Variants in AXL observed in about 807,000 individuals in gnomAD.
AXL encodes the protein tyrosine-protein kinase receptor UFO.
AXL carries 52 observed loss-of-function variants against 104.5 expected under a neutral mutation model. That is an observed-to-expected ratio of 0.50 (90% CI 0.40 to 0.63). The LOEUF (loss-of-function observed/expected upper bound fraction) is 0.63. Among genes scored for constraint, AXL ranks in the 20% least tolerant of loss-of-function variants. The pLI is 0.00. For synonymous variants in AXL, 455 were observed against 473.7 expected (o/e 0.96, Z 0.51); for missense variants, 1,024 against 1,188.5 (o/e 0.86, Z 2.04).
At chr19:41,242,290 A>T (rs1452021742) in intron 10 of AXL, among the ~76,000 whole-genome samples, 2 of 141,458 alleles carry the variant, frequency 1.4e-5, no homozygotes, top group African/African-American at 5.4e-5. Context: ...CTGATGCTCT[A>T]CCACCTGAAC....
At chr19:41,247,958 T>C (rs1053191708) in intron 12 of AXL, among the ~76,000 whole-genome samples, 2 of 152,036 alleles carry the variant, frequency 1.3e-5, no homozygotes, top group African/African-American at 4.8e-5. Context: ...AGTCTTGCCC[T>C]GTCACCCAGG....
In AXL at chr19:41,256,523, A is replaced by G; in HGVS notation, c.2108A>G (p.Tyr703Cys). ...AAGAAGATCTACAATGGGGACTACT[A>G]CCGCCAGGGACGTATCGCCAAGATG... ...LSKKIYNGDY[Y>C]RQGRIAKMPV... The change falls in exon 18 of 20, where the codon TAC becomes TGC. Residue 703 changes from tyrosine to cysteine, a missense_variant. Physicochemically the swap from Tyr to Cys is radical, Grantham distance 194. This residue lies in a region of AXL where 523 missense variants were observed against 636.0 expected (regional missense o/e 0.82). Transcript: ENST00000301178. The G allele has an allele frequency of 6.2e-7, 1 of 1,614,170 alleles. No homozygotes were observed. Among genetic ancestry groups the G allele is most frequent in the Non-Finnish European group, 8.5e-7 (1 of 1,180,030 alleles).
intron 10 of AXL, among the ~76,000 whole-genome samples, chr19:41,242,253 TGAACCC>T (rs2034194559): frequency 6.6e-6 from 1 of 151,530 alleles, no homozygotes; most frequent in African/African-American, 2.4e-5. Context: ...AACAGAGACT[TGAACCC>T]TGAACCCTCA....
At chr19:41,222,415 G>A (rs547073478) in intron 4 of AXL, among the ~76,000 whole-genome samples, 18 of 152,164 alleles carry the variant, frequency 1.2e-4, no homozygotes, top group Admixed American at 7.2e-4. Flanking sequence ...GCTCGAGTGC[G>A]TGTGGGCCTG....
chr19:41,254,201 G>A (rs146278754), intron 17 of AXL, among the ~76,000 whole-genome samples: 19 of 151,164 alleles, frequency 1.3e-4, no homozygotes, highest in African/African-American at 3.9e-4. Flanking sequence ...CCAGGAGTTC[G>A]AGACCAGCCT....
chr19:41,225,592 A>T (rs1316544140), intron 4 of AXL, among the ~76,000 whole-genome samples: 2 of 152,186 alleles, frequency 1.3e-5, no homozygotes, highest in Admixed American at 6.5e-5. Context: ...AGGTGTTTGT[A>T]ATCAATGTGT....
chr19:41,248,684 T>C (rs1401931161), intron 13 of AXL, 59 bp from the exon 14 acceptor site: 8 of 1,611,726 alleles, frequency 5.0e-6, no homozygotes, highest in Non-Finnish European at 6.8e-6. Flanking sequence ...CACCCAACTA[T>C]AGGAAATACA....
chr19:41,254,140 C>T (rs957772036), intron 17 of AXL, among the ~76,000 whole-genome samples: 2 of 151,738 alleles, frequency 1.3e-5, no homozygotes, highest in African/African-American at 2.4e-5. Flanking sequence ...CAGTGGCTCA[C>T]GCCTGTAATC....
At chr19:41,250,458 T>G (rs1325238359) in intron 14 of AXL, among the ~76,000 whole-genome samples, 1 of 152,186 alleles carries the variant, frequency 6.6e-6, no homozygotes, top group African/African-American at 2.4e-5. Flanking sequence ...TTTGTTTTGT[T>G]TTGAGGAGGA....
intron 4 of AXL, among the ~76,000 whole-genome samples, chr19:41,230,379 ATGTG>A (rs2033958691): frequency 7.1e-6 from 1 of 141,044 alleles, no homozygotes; most frequent in Admixed American, 7.0e-5. Flanking sequence ...ATATGTGTCT[ATGTG>A]TGTGTATGAG....
chr19:41,254,533 AAAAAG>A (rs2034423832), intron 17 of AXL, among the ~76,000 whole-genome samples: 1 of 152,004 alleles, frequency 6.6e-6, no homozygotes, highest in East Asian at 1.9e-4. Context: ...AAAAAAAGAA[AAAAAG>A]AAAAGAAAGA....
intron 15 of AXL, 94 bp from the exon 16 acceptor site, chr19:41,252,752 G>A (rs1042336256): frequency 4.6e-5 from 72 of 1,579,282 alleles, no homozygotes; most frequent in Middle Eastern, 4.6e-4. Flanking sequence ...CAGATTGGAT[G>A]GGTAGTGAGA....
rs757348941 is a variant in AXL at position 41,220,243 on chromosome 19, T to TC, written c.86-387dup. Among the ~76,000 whole-genome samples the TC allele has an allele frequency of 6.9e-4, 70 of 101,286 alleles. 1 individual carries two copies. Among genetic ancestry groups the TC allele is most frequent in the Middle Eastern group, 0.012 (2 of 166 alleles). 66.4% of individuals were successfully genotyped at this position (101,286 alleles called of 152,430 possible). ...TTCTCCCTCCGCCACCACCCTTATC[T>TC]CCCCCCACCACCACCCTTATCTCTC... On this transcript the variant is annotated intron_variant, in intron 1 of 19. Coordinates refer to ENST00000301178, the MANE Select transcript of AXL (RefSeq NM_021913.5).
At chr19:41,237,435 G>A (rs936608814) in intron 6 of AXL, among the ~76,000 whole-genome samples, 3 of 152,154 alleles carry the variant, frequency 2.0e-5, no homozygotes, top group East Asian at 3.9e-4. Flanking sequence ...GAAGAGATGG[G>A]GTTTCACCAC....
rs115798399 is a variant in AXL, at chr19:41,250,183, A to G, written c.1711+1363A>G. ...GGTGGCAAGTAGGACATGCTTGTTAATGTGGAGTAGGACTATATTATTTCC... is the reference window on the plus strand; with the variant it reads ...GGTGGCAAGTAGGACATGCTTGTTAGTGTGGAGTAGGACTATATTATTTCC... On this transcript the variant is annotated intron_variant, in intron 14 of 19. Transcript: ENST00000301178. Among the ~76,000 whole-genome samples, 767 of 152,296 alleles carry G rather than the reference A, an allele frequency of 5.0e-3. 5 individuals are homozygous for G. Among genetic ancestry groups the G allele is most frequent in the African/African-American group, 0.017 (710 of 41,562 alleles).
chr19:41,230,926 C>A (rs770474414), intron 4 of AXL, 41 bp from the exon 5 acceptor site: 2 of 1,600,326 alleles, frequency 1.2e-6, no homozygotes, highest in African/African-American at 2.7e-5. Context: ...CCCTTCCTGC[C>A]CCTCTCTGAT....
chr19:41,251,702 A>C (rs907464779), intron 14 of AXL, among the ~76,000 whole-genome samples: 10 of 152,086 alleles, frequency 6.6e-5, no homozygotes, highest in Non-Finnish European at 1.3e-4. Flanking sequence ...TGACAGCGCA[A>C]GACCCTGTCT....
At chr19:41,226,766 A>G (rs2033888871) in intron 4 of AXL, 2 of 985,794 alleles carry the variant, frequency 2.0e-6, no homozygotes, top group African/African-American at 1.7e-5. Context: ...GCACACGCGT[A>G]AACAACACGC....
intron 10 of AXL, 76 bp downstream of exon 10, chr19:41,239,796 A>C: frequency 3.5e-4 from 542 of 1,547,392 alleles, no homozygotes; most frequent in Non-Finnish European, 4.4e-4. Context: ...ATGCATACTC[A>C]TTGCACATCC....
Sources: gnomAD v4.1 joint callset for allele counts (sites outside exome capture counted in the v4.1 genomes callset) on GRCh38, gnomAD v4.1.1 for gene constraint, gnomAD v4.1.1 regional missense constraint, MANE v1.5 for transcripts, NCBI Gene and HGNC (gene_info 2026-07-23, HGNC 2026-07-21) for gene names.